The following LCORL variants were observed in gnomAD, a reference collection of about 807,000 sequenced individuals.
LCORL encodes ligand-dependent nuclear receptor corepressor-like protein.
Under a neutral mutation model 141.8 loss-of-function variants are expected in LCORL, and 41 were observed. The observed-to-expected ratio is 0.29, with a 90% confidence interval of 0.23 to 0.38. LCORL has a LOEUF of 0.38. Ranked by LOEUF, LCORL falls within the 10% of genes least tolerant of loss-of-function variation. LCORL has a pLI of 1.00. For synonymous variants in LCORL, 618 were observed against 694.1 expected (o/e 0.89, Z 1.72); for missense variants, 1,759 against 2,035.0 (o/e 0.86, Z 2.61).
At chr4:17,876,674 A>G in exon 7 of LCORL, 1 of 1,230,842 alleles carries the variant, frequency 8.1e-7, no homozygotes, top group Non-Finnish European at 1.0e-6. Flanking sequence ...TATTTCGTTT[A>G]GTTCTGCTCA....
At chr4:17,986,247 T>C (rs1354228775) in intron 1 of LCORL, among the ~76,000 whole-genome samples, 1 of 152,182 alleles carries the variant, frequency 6.6e-6, no homozygotes, top group Admixed American at 6.5e-5. Context: ...AGGGATGATC[T>C]TGCACAGAAT....
At chr4:17,988,151 C>T (rs776365086) in intron 1 of LCORL, among the ~76,000 whole-genome samples, 26 of 152,198 alleles carry the variant, frequency 1.7e-4, no homozygotes, top group African/African-American at 4.6e-4. Context: ...TTGCCATCCA[C>T]GTAAGATGTG....
chr4:17,876,273 TTGA>T, exon 7 of LCORL: 1 of 1,231,070 alleles, frequency 8.1e-7, no homozygotes, highest in Middle Eastern at 3.1e-4. Flanking sequence ...GCAGTGACTA[TTGA>T]TAATATTGCC....
At chr4:17,850,128 A>G (rs1723455561) in intron 7 of LCORL, among the ~76,000 whole-genome samples, 1 of 146,680 alleles carries the variant, frequency 6.8e-6, no homozygotes, top group Non-Finnish European at 1.5e-5. Context: ...ACAAAAATCA[A>G]TTCAAGATGG....
At chr4:17,893,826 T>C (rs1462584460) in intron 5 of LCORL, among the ~76,000 whole-genome samples, 1 of 152,096 alleles carries the variant, frequency 6.6e-6, no homozygotes, top group Non-Finnish European at 1.5e-5. Flanking sequence ...TGAGATGGAG[T>C]CTTGCTTTGC....
intron 1 of LCORL, among the ~76,000 whole-genome samples, chr4:17,985,192 G>C (rs1331650910): frequency 6.6e-6 from 1 of 152,046 alleles, no homozygotes; most frequent in Non-Finnish European, 1.5e-5. Context: ...CAATTGTGCA[G>C]TCAGTTTTAG....
intron 4 of LCORL, among the ~76,000 whole-genome samples, chr4:17,932,684 T>G (rs1317897804): frequency 6.6e-6 from 1 of 152,186 alleles, no homozygotes; most frequent in Admixed American, 6.5e-5. Flanking sequence ...CATCACTTTT[T>G]GTAGATAAAG....
intron 1 of LCORL, among the ~76,000 whole-genome samples, chr4:18,011,166 G>A (rs116205026): frequency 0.016 from 2,460 of 152,128 alleles, 30 homozygotes; most frequent in Non-Finnish European, 0.027. Flanking sequence ...CCTCTAACCT[G>A]GCCTGTATCG....
At chr4:17,914,072 C>A (rs1333401137) in intron 4 of LCORL, among the ~76,000 whole-genome samples, 1 of 152,062 alleles carries the variant, frequency 6.6e-6, no homozygotes, top group Non-Finnish European at 1.5e-5. Flanking sequence ...CTTTTTTAGT[C>A]CAAACTAGAT....
At chr4:17,871,690 T>C (rs1726347746) in intron 7 of LCORL, among the ~76,000 whole-genome samples, 2 of 151,948 alleles carry the variant, frequency 1.3e-5, no homozygotes. Flanking sequence ...CTTTAAGAAT[T>C]ATGTGTGTAT....
chr4:17,960,042 T>C (rs1713470323), intron 4 of LCORL, among the ~76,000 whole-genome samples: 1 of 152,144 alleles, frequency 6.6e-6, no homozygotes, highest in South Asian at 2.1e-4. Flanking sequence ...TCTAAAATGA[T>C]TTTATTGAAA....
chr4:17,913,214 G>A (rs188092888), intron 4 of LCORL, among the ~76,000 whole-genome samples: 2 of 152,302 alleles, frequency 1.3e-5, no homozygotes, highest in Admixed American at 1.3e-4. Context: ...CTTGACGGAC[G>A]TTAGCTTACA....
At chr4:17,893,508 T>A in intron 5 of LCORL, 1 of 985,294 alleles carries the variant, frequency 1.0e-6, no homozygotes, top group South Asian at 4.7e-5. Flanking sequence ...GCACTGCGAG[T>A]GTGTTTTGTG....
At chr4:17,993,359 C>T in intron 1 of LCORL, among the ~76,000 whole-genome samples, 1 of 152,150 alleles carries the variant, frequency 6.6e-6, no homozygotes, top group East Asian at 1.9e-4. Context: ...TGTGCCACCA[C>T]AACTGGCTTA....
chr4:17,976,429 T>C (rs1716986627), intron 1 of LCORL, among the ~76,000 whole-genome samples: 1 of 152,120 alleles, frequency 6.6e-6, no homozygotes, highest in African/African-American at 2.4e-5. Context: ...CCTCTTCTAG[T>C]TTTTTTAGGG....
intron 5 of LCORL, among the ~76,000 whole-genome samples, chr4:17,888,084 A>G (rs1728542565): frequency 6.6e-6 from 1 of 152,124 alleles, no homozygotes; most frequent in South Asian, 2.1e-4. Context: ...AGTGCTAGCC[A>G]CAGACTATAA....
chr4:17,886,157 A>T, exon 6 of LCORL: 1 of 1,566,022 alleles, frequency 6.4e-7, no homozygotes, highest in Non-Finnish European at 8.7e-7. Flanking sequence ...CTAACACTCC[A>T]TCCCCTATAA....
chr4:17,905,737 A>C (rs1462564114), intron 5 of LCORL, among the ~76,000 whole-genome samples: 1 of 152,140 alleles, frequency 6.6e-6, no homozygotes, highest in Non-Finnish European at 1.5e-5. Flanking sequence ...TTGTCATCTA[A>C]TTTGAATAAA....
At chr4:17,843,114 T>C (rs962550049) in exon 8 of LCORL, 1 of 510,902 alleles carries the variant, frequency 2.0e-6, no homozygotes, top group Non-Finnish European at 3.4e-6. Context: ...TTTTCCCTGA[T>C]TCACTTTGCT....
Sources: allele counts gnomAD v4.1 joint callset (sites outside exome capture counted in the v4.1 genomes callset), GRCh38; gene constraint gnomAD v4.1.1; transcripts MANE v1.5; gene names NCBI Gene and HGNC (gene_info 2026-07-23, HGNC 2026-07-21).